The following DYNC1H1 variants were observed in gnomAD, a reference collection of about 807,000 sequenced individuals.
The protein encoded by DYNC1H1 is dynein cytoplasmic 1 heavy chain 1.
DYNC1H1 carries 51 observed loss-of-function variants against 527.1 expected under a neutral mutation model. That is an observed-to-expected ratio of 0.10 (90% CI 0.08 to 0.12). The LOEUF is 0.12. Ranked by LOEUF, DYNC1H1 falls within the 10% of genes least tolerant of loss-of-function variation. The pLI, the probability that DYNC1H1 is intolerant of heterozygous loss-of-function variation, is 1.00. For missense variants in DYNC1H1, 2,771 were observed against 5,971.8 expected (o/e 0.46, Z 17.66); for synonymous variants, 2,189 against 2,278.8 (o/e 0.96, Z 1.12).
chr14:101,991,203 G>A (rs1412840385), intron 10 of DYNC1H1, among the ~76,000 whole-genome samples: 1 of 152,020 alleles, frequency 6.6e-6, no homozygotes, highest in East Asian at 1.9e-4. Flanking sequence ...ACTTGGCATG[G>A]TGGCTCACAC....
intron 44 of DYNC1H1, 46 bp downstream of exon 44, chr14:102,026,753 C>A: frequency 6.2e-7 from 1 of 1,603,030 alleles, no homozygotes; most frequent in South Asian, 1.1e-5. Context: ...CTAAGCTGCT[C>A]TTGAGTAAGT....
At chr14:102,040,731 T>A in intron 64 of DYNC1H1, 58 bp downstream of exon 64, 1 of 1,584,580 alleles carries the variant, frequency 6.3e-7, no homozygotes, top group Non-Finnish European at 8.7e-7. Context: ...TTTTGCTGCT[T>A]AAAGGGATGC....
chr14:102,044,749 T>TCACGCGGGGTGGGTGGCGAGGGTCCCCA lies in DYNC1H1; in HGVS notation c.13006+57_13006+84dup. ...CGCAGGGTGGGTGGCGAGGGTCCCC[T>TCACGCGGGGTGGGTGGCGAGGGTCCCCA]CACGCGGGGTGGGTGGCGAGGGTCC... On this transcript the variant is annotated intron_variant, in intron 72 of 77. Transcript: ENST00000360184. This position sits in a 1 kb window ranked among gnomAD's most constrained non-coding sequence, Gnocchi z 7.1. 1 of 1,358,136 alleles carries TCACGCGGGGTGGGTGGCGAGGGTCCCCA rather than the reference T, an allele frequency of 7.4e-7. No individual in the cohort carries two copies. 84.1% of individuals were successfully genotyped at this position (1,358,136 alleles called of 1,614,324 possible). A position where few individuals can be genotyped will look rare whatever the true frequency, so the allele number is the denominator to read the frequency against.
At position 101,965,287 on chromosome 14, in the gene DYNC1H1, C is replaced by T. The variant is rs2047653312; in HGVS notation, c.256+340C>T. Among the ~76,000 whole-genome samples the T allele has an allele frequency of 6.6e-6, 1 of 152,218 alleles. No individual in the cohort carries two copies. The highest frequency in any genetic ancestry group is 2.1e-4 in the South Asian group (1 of 4,836). On this transcript the variant is annotated intron_variant, in intron 1 of 77. Transcript: ENST00000360184. This position sits in a 1 kb window ranked among gnomAD's most constrained non-coding sequence, Gnocchi z 4.1. The stretch of plus-strand genomic sequence containing the variant: ...AATGGGGTCGCTTTGTCTGCTCGGG[C>T]CTCTCAAGATGGCCGAGTTGGGTGG...
rs944435270 is a variant in DYNC1H1 at position 101,964,597 on chromosome 14, T to G, written c.-95T>G. On this transcript the variant is annotated 5_prime_UTR_variant, in exon 1 of 78. Coordinates refer to ENST00000360184, the MANE Select transcript of DYNC1H1 (RefSeq NM_001376.5). The surrounding 1 kb of genome is among the most constrained non-coding windows in gnomAD (Gnocchi z 5.5). ...CAGTCTGCGGTGGGCTAGCGGACGG[T>G]CCGGCTTCCGGCGGCCGTTTCTGTC... 281 of 1,528,364 alleles carry G rather than the reference T, an allele frequency of 1.8e-4. No homozygotes were observed. The highest frequency in any genetic ancestry group is 7.9e-5 in the Non-Finnish European group (90 of 1,143,238). 94.7% of individuals were successfully genotyped at this position (1,528,364 alleles called of 1,614,324 possible). A position where few individuals can be genotyped will look rare whatever the true frequency, so the allele number is the denominator to read the frequency against.
Position 102,016,590 on chromosome 14 carries a change from T to TA in DYNC1H1, c.7614+102dup, listed in dbSNP as rs1419172636. On this transcript the variant is annotated intron_variant, in intron 37 of 77. Coordinates refer to ENST00000360184, the MANE Select transcript of DYNC1H1 (RefSeq NM_001376.5). This position sits in a 1 kb window ranked among gnomAD's most constrained non-coding sequence, Gnocchi z 7.3. ...GGACCTTGGCTTCGTCTTTTCATTT[T>TA]ATTCCATTTCATAGAAGGACTTTAT... The TA allele has an allele frequency of 5.6e-6, 9 of 1,605,072 alleles. No individual in the cohort carries two copies. Among genetic ancestry groups the TA allele is most frequent in the Non-Finnish European group, 7.7e-6 (9 of 1,173,028 alleles).
Position 102,000,044 on chromosome 14 carries a change from T to A in DYNC1H1, c.3860T>A (p.Phe1287Tyr). ...GCTCTCACCATATATGAGGGGAAGT[T>A]TGGTAGGCTGAAGGACGACAGAGAG... ...LQALTIYEGK[F>Y]GRLKDDREKC... Residue 1287 changes from phenylalanine (F) to tyrosine (Y), a missense_variant, in exon 17 of 78, where the codon TTT becomes TAT. This residue lies in a region of DYNC1H1 where 223 missense variants were observed against 462.5 expected (regional missense o/e 0.48). Coordinates refer to ENST00000360184, the MANE Select transcript of DYNC1H1 (RefSeq NM_001376.5). 6.2e-7 allele frequency: 1 copy of A among 1,614,068 alleles called. No homozygotes were observed. Among genetic ancestry groups the A allele is most frequent in the Non-Finnish European group, 8.5e-7 (1 of 1,180,018 alleles).
rs375547282 is a variant in DYNC1H1, at chr14:102,016,972, C to T, written c.7821C>T (p.Ser2607=). 3.1e-5 allele frequency: 50 copies of T among 1,614,254 alleles called. 1 individual carries two copies. The highest frequency in any genetic ancestry group is 3.3e-4 in the Middle Eastern group (2 of 6,062). The change falls in exon 38 of 78, where the codon AGC becomes AGT. Residue 2607 remains serine, a synonymous_variant. Transcript: ENST00000360184. The surrounding 1 kb of genome is among the most constrained non-coding windows in gnomAD (Gnocchi z 7.3). ...PGSGKTMTLF[S]ALRALPDMEV... is the part of the protein sequence containing the mutation. The stretch of plus-strand genomic sequence containing the variant: ...CTGGCAAGACCATGACACTCTTCAG[C>T]GCCCTCCGGGCCTTGCCTGACATGG...
chr14:101,988,691 C>A lies in DYNC1H1; in HGVS notation c.2719-12C>A. The A allele has an allele frequency of 6.2e-7, 1 of 1,614,080 alleles. No individual in the cohort carries two copies. The highest frequency in any genetic ancestry group is 8.5e-7 in the Non-Finnish European group (1 of 1,180,010). On this transcript the variant is annotated splice_polypyrimidine_tract_variant and intron_variant, in intron 9 of 77. Transcript: ENST00000360184. ...GAAGAAACACTGTTCTCTGATATAA[C>A]GTTGTCTGTAGATTGAAAGAATATT...
chr14:102,043,756 G>C (rs572328406), intron 69 of DYNC1H1, 119 bp from the exon 70 acceptor site: 35 of 1,407,648 alleles, frequency 2.5e-5, no homozygotes, highest in Non-Finnish European at 3.3e-5. Flanking sequence ...ATGTGAATCT[G>C]CTGCCATCGT....
At chr14:101,971,373 C>T (rs1045568427) in intron 1 of DYNC1H1, among the ~76,000 whole-genome samples, 2 of 151,808 alleles carry the variant, frequency 1.3e-5, no homozygotes, top group African/African-American at 4.8e-5. Flanking sequence ...TGGGCCCAGT[C>T]GAGGGTGGTA....
At position 102,050,574 on chromosome 14, in the gene DYNC1H1, C is replaced by G; in HGVS notation, c.*11C>G. The G allele has an allele frequency of 6.2e-7, 1 of 1,614,218 alleles. No homozygotes were observed. Among genetic ancestry groups the G allele is most frequent in the Non-Finnish European group, 8.5e-7 (1 of 1,180,038 alleles). Reference sequence around the variant, plus strand: ...TTGTGCACAGAGTAAACTTTTCTAGCTGCCCCTTTCTGTAATAGTGAAAGT... The same window carrying G: ...TTGTGCACAGAGTAAACTTTTCTAGGTGCCCCTTTCTGTAATAGTGAAAGT... On this transcript the variant is annotated 3_prime_UTR_variant, in exon 78 of 78. Coordinates refer to ENST00000360184, the MANE Select transcript of DYNC1H1 (RefSeq NM_001376.5).
In DYNC1H1 at chr14:102,005,486, C is replaced by T. The variant is rs953070572; in HGVS notation, c.5433+250C>T. On this transcript the variant is annotated intron_variant, in intron 26 of 77. Coordinates refer to ENST00000360184, the MANE Select transcript of DYNC1H1 (RefSeq NM_001376.5). The surrounding 1 kb of genome is among the most constrained non-coding windows in gnomAD (Gnocchi z 4.0). ...TCAACCTTGGTCAGGATCTCTTGCT[C>T]TTTCCTGTCATCTCCCCAGAGAGGT... 4.6e-5 allele frequency among the ~76,000 whole-genome samples: 7 copies of T among 152,228 alleles called. No homozygotes were observed. The highest frequency in any genetic ancestry group is 6.5e-5 in the Admixed American group (1 of 15,284).
In DYNC1H1 at chr14:102,015,210, A is replaced by G. The variant is rs1249357752; in HGVS notation, c.7120A>G (p.Ile2374Val). 1.2e-6 allele frequency: 2 copies of G among 1,614,198 alleles called. No individual in the cohort carries two copies. The highest frequency in any genetic ancestry group is 1.7e-6 in the Non-Finnish European group (2 of 1,180,038). ...TGAGGATGTGCTGAGCACCGACATGATCTTCAACAACTTCCTGGCCAGGCT... is the reference window on the plus strand; with the variant it reads ...TGAGGATGTGCTGAGCACCGACATGGTCTTCAACAACTTCCTGGCCAGGCT... Reference protein sequence around the residue: ...FSEDVLSTDMIFNNFLARLRS... With the variant: ...FSEDVLSTDMVFNNFLARLRS... The change falls in exon 35 of 78, where the codon ATC (isoleucine) becomes GTC (valine). Residue 2374 changes from isoleucine to valine, a missense_variant. Transcript: ENST00000360184. The surrounding 1 kb of genome is among the most constrained non-coding windows in gnomAD (Gnocchi z 6.9).
rs564870769 is a variant in DYNC1H1, at chr14:102,044,836, C to G, written c.13006+138C>G. ...CCCTCCCTGGTTATGCTGGGTGTGG[C>G]TCTGTCAGCCTCGGCCTTCCTGCCA... is the stretch of plus-strand genomic sequence containing the variant. On this transcript the variant is annotated intron_variant, in intron 72 of 77. Transcript: ENST00000360184. The surrounding 1 kb of genome is among the most constrained non-coding windows in gnomAD (Gnocchi z 7.1). 7.0e-6 allele frequency: 7 copies of G among 996,300 alleles called. No individual in the cohort carries two copies. The highest frequency in any genetic ancestry group is 6.4e-5 in the African/African-American group (4 of 62,818). The allele number at this position is 996,300 out of a possible 1,614,324, so 61.7% of individuals were successfully genotyped here. A position where few individuals can be genotyped will look rare whatever the true frequency, so the allele number is the denominator to read the frequency against.
chr14:102,022,818 C>A lies in DYNC1H1; in HGVS notation c.8575C>A (p.Pro2859Thr). The A allele has an allele frequency of 6.2e-7, 1 of 1,614,224 alleles. No homozygotes were observed. The stretch of plus-strand genomic sequence containing the variant: ...CGACACGGTTGCTCTGAAGCACTTC[C>A]CTAACATCGACAGAGAGAAGGCAAT... ...NIDTVALKHF[P>T]NIDREKAMSR... is the part of the protein sequence containing the mutation. Residue 2859 changes from proline to threonine, a missense_variant, in exon 43 of 78, where the codon CCT (proline) becomes ACT (threonine). This residue lies in a region of DYNC1H1 where 163 missense variants were observed against 346.9 expected (regional missense o/e 0.47). Coordinates refer to ENST00000360184, the MANE Select transcript of DYNC1H1 (RefSeq NM_001376.5).
At chr14:102,045,557 G>A (rs1308982202) in intron 72 of DYNC1H1, among the ~76,000 whole-genome samples, 2 of 152,142 alleles carry the variant, frequency 1.3e-5, no homozygotes, top group Non-Finnish European at 2.9e-5. Flanking sequence ...GTTTCAGTGA[G>A]CTGAGAACGC....
chr14:102,022,730 C>A, intron 42 of DYNC1H1, 21 bp from the exon 43 acceptor site: 1 of 1,613,898 alleles, frequency 6.2e-7, no homozygotes, highest in Non-Finnish European at 8.5e-7. Context: ...TACCTAAATG[C>A]ACATGCTGCT....
Position 102,048,646 on chromosome 14 carries a change from C to A in DYNC1H1, c.13349C>A (p.Thr4450Lys). 6.2e-7 allele frequency: 1 copy of A among 1,613,538 alleles called. No homozygotes were observed. ...GKKKQTNYLR[T>K]LINELVKGIL... ...AAGAAGCAGACCAACTACTTGCGCA[C>A]GCTGATCAACGAGCTAGTGAAAGGT... The change falls in exon 74 of 78, where the codon ACG (threonine) becomes AAG (lysine). Residue 4450 changes from threonine (T) to lysine (K), a missense_variant. Around this residue, in one of 32 missense-constraint regions of DYNC1H1, gnomAD observed 170 missense variants for 249.8 expected, o/e 0.68. Transcript: ENST00000360184.
Sources: allele counts gnomAD v4.1 joint callset (sites outside exome capture counted in the v4.1 genomes callset), GRCh38; gene constraint gnomAD v4.1.1; regional missense constraint gnomAD v4.1.1; non-coding constraint Gnocchi (gnomAD v3.1); transcripts MANE v1.5; gene names NCBI Gene and HGNC (gene_info 2026-07-23, HGNC 2026-07-21).